SMARCA5: variants seen among roughly 807,000 people sequenced by gnomAD.
SMARCA5 encodes the protein SWI/SNF-related matrix-associated actin-dependent regulator of chromatin subfamily A member 5.
Under a neutral mutation model 140.4 loss-of-function variants are expected in SMARCA5, and 18 were observed. That is an observed-to-expected ratio of 0.13 (90% CI 0.09 to 0.19). The LOEUF (loss-of-function observed/expected upper bound fraction) is 0.19, where lower values mean the gene tolerates loss of function less well. Among genes scored for constraint, SMARCA5 ranks in the 10% least tolerant of loss-of-function variants. The pLI, the probability that SMARCA5 is intolerant of heterozygous loss-of-function variation, is 1.00. For synonymous variants in SMARCA5, 449 were observed against 419.6 expected (o/e 1.07, Z -0.86); for missense variants, 606 against 1,276.8 (o/e 0.47, Z 8.01).
intron 23 of SMARCA5, among the ~76,000 whole-genome samples, chr4:143,550,991 T>C (rs1040857656): frequency 6.6e-6 from 1 of 152,110 alleles, no homozygotes. Context: ...TTCAAACTGC[T>C]TCCACAGTGA....
intron 9 of SMARCA5, among the ~76,000 whole-genome samples, chr4:143,531,322 G>A (rs912648972): frequency 2.6e-5 from 4 of 152,152 alleles, no homozygotes; most frequent in Admixed American, 6.5e-5. Context: ...ACAGCTTCCT[G>A]TGACGGTTCA....
At chr4:143,531,113 C>G (rs1376425352) in intron 9 of SMARCA5, among the ~76,000 whole-genome samples, 5 of 152,220 alleles carry the variant, frequency 3.3e-5, no homozygotes, top group Admixed American at 1.3e-4. Context: ...AGCCACCACG[C>G]CCGGCCTTAA....
At position 143,527,914 on chromosome 4, in the gene SMARCA5, G is replaced by T. The variant is rs1737107618; in HGVS notation, c.848G>T (p.Cys283Phe). ...DVLLPGEWDV[C>F]VTSYEMLIKE... Reference sequence around the variant, plus strand: ...TTATTACCGGGAGAATGGGATGTATGTGTAACATCTTATGAAATGCTTATT... The same window carrying T: ...TTATTACCGGGAGAATGGGATGTATTTGTAACATCTTATGAAATGCTTATT... Residue 283 changes from cysteine (C) to phenylalanine (F), a missense_variant, in exon 7 of 24, where the codon TGT becomes TTT. Coordinates refer to ENST00000283131, the MANE Select transcript of SMARCA5 (RefSeq NM_003601.4). The T allele has an allele frequency of 6.2e-7, 1 of 1,601,230 alleles. No homozygotes were observed. Among genetic ancestry groups the T allele is most frequent in the Non-Finnish European group, 8.5e-7 (1 of 1,176,678 alleles).
chr4:143,528,832 C>G (rs1397045737), intron 8 of SMARCA5, 118 bp downstream of exon 8: 1 of 808,596 alleles, frequency 1.2e-6, no homozygotes, highest in Middle Eastern at 3.8e-4. Flanking sequence ...ATTTTTTATG[C>G]TTTTATTTAC....
chr4:143,538,601 C>T lies in SMARCA5; in HGVS notation c.1507C>T (p.Leu503=). 2.5e-6 allele frequency: 4 copies of T among 1,612,490 alleles called. No homozygotes were observed. Among genetic ancestry groups the T allele is most frequent in the Non-Finnish European group, 3.4e-6 (4 of 1,178,680 alleles). The change falls in exon 12 of 24, where the codon CTA becomes TTA. Residue 503 remains leucine, a synonymous_variant. Coordinates refer to ENST00000283131, the MANE Select transcript of SMARCA5 (RefSeq NM_003601.4). The stretch of plus-strand genomic sequence containing the variant: ...ATATTCCCCAACAGGTTCACGAGTA[C>T]TAATCTTCAGTCAAATGACAAGGGT... ...PKLKEQGSRV[L]IFSQMTRVLD...
At chr4:143,520,762 A>G (rs1314966102) in intron 2 of SMARCA5, among the ~76,000 whole-genome samples, 1 of 151,810 alleles carries the variant, frequency 6.6e-6, no homozygotes, top group Non-Finnish European at 1.5e-5. Flanking sequence ...CAATTTCATT[A>G]TTTTTATGAA....
chr4:143,545,671 G>C lies in SMARCA5; in HGVS notation c.2397+88G>C, dbSNP rs142721138. The stretch of plus-strand genomic sequence containing the variant: ...TAGTTATAAATATTTATCTAATTTG[G>C]ACCTAGTGTGAAACAATACTGCTTT... On this transcript the variant is annotated intron_variant, in intron 18 of 23. Coordinates refer to ENST00000283131, the MANE Select transcript of SMARCA5 (RefSeq NM_003601.4). 1.2e-3 allele frequency: 999 copies of C among 867,314 alleles called. 4 individuals are homozygous for C. In the African/African-American group the frequency reaches 0.015, roughly 13 times the overall value. 53.7% of individuals were successfully genotyped at this position (867,314 alleles called of 1,614,324 possible).
intron 4 of SMARCA5, 61 bp downstream of exon 4, chr4:143,524,528 GT>G: frequency 9.2e-7 from 1 of 1,083,714 alleles, no homozygotes; most frequent in Non-Finnish European, 1.4e-6. Flanking sequence ...TTTGGTTAAT[GT>G]TTTGGATTTG....
Position 143,543,992 on chromosome 4 carries a change from G to A in SMARCA5, c.2172+20G>A, listed in dbSNP as rs1396079806. The stretch of plus-strand genomic sequence containing the variant: ...CAAAAGGTAATTTAGAAATAGGTTT[G>A]GGTTACATGAAAGCTTTATTTTACT... On this transcript the variant is annotated intron_variant, in intron 16 of 23. Transcript: ENST00000283131. 2.7e-6 allele frequency: 4 copies of A among 1,504,990 alleles called. No individual in the cohort carries two copies. In the African/African-American group the frequency reaches 5.7e-5, roughly 21 times the overall value. The allele number at this position is 1,504,990 out of a possible 1,614,324, so 93.2% of individuals were successfully genotyped here.
chr4:143,548,150 C>T lies in SMARCA5; in HGVS notation c.2985+10C>T, dbSNP rs1157922890. ...GTCCAGAACTGCAATGGTGAGTGCT[C>T]AGGGCTTTTTTGTGTAATGTAGCAG... On this transcript the variant is annotated intron_variant, in intron 22 of 23. Coordinates refer to ENST00000283131, the MANE Select transcript of SMARCA5 (RefSeq NM_003601.4). 3 of 1,555,352 alleles carry T rather than the reference C, an allele frequency of 1.9e-6. No individual in the cohort carries two copies. The highest frequency in any genetic ancestry group is 1.4e-5 in the African/African-American group (1 of 73,382).
intron 10 of SMARCA5, among the ~76,000 whole-genome samples, chr4:143,535,658 A>G (rs1737287171): frequency 6.6e-6 from 1 of 152,164 alleles, no homozygotes; most frequent in Non-Finnish European, 1.5e-5. Flanking sequence ...AATGCTAAGG[A>G]AAGACAAATC....
intron 23 of SMARCA5, 49 bp from the exon 24 acceptor site, chr4:143,553,070 T>C: frequency 7.3e-7 from 1 of 1,377,702 alleles, no homozygotes; most frequent in Non-Finnish European, 1.0e-6. Context: ...CAACTATATT[T>C]CATGTTTATA....
In SMARCA5 at chr4:143,536,439, C is replaced by T; in HGVS notation, c.1269-13C>T. ...ACATTTGAGCTCTAAAAATGTTTTTCTTCTTTGAATAGGTATACTCGGATA... is the reference window on the plus strand; with the variant it reads ...ACATTTGAGCTCTAAAAATGTTTTTTTTCTTTGAATAGGTATACTCGGATA... On this transcript the variant is annotated splice_polypyrimidine_tract_variant and intron_variant, in intron 10 of 23. Coordinates refer to ENST00000283131, the MANE Select transcript of SMARCA5 (RefSeq NM_003601.4). The T allele has an allele frequency of 6.3e-7, 1 of 1,582,622 alleles. No individual in the cohort carries two copies. Among genetic ancestry groups the T allele is most frequent in the Non-Finnish European group, 8.7e-7 (1 of 1,151,942 alleles).
intron 22 of SMARCA5, among the ~76,000 whole-genome samples, chr4:143,548,647 C>T (rs2149825256): frequency 6.6e-6 from 1 of 152,154 alleles, no homozygotes; most frequent in African/African-American, 2.4e-5. Flanking sequence ...TTTCTAATAA[C>T]CTAAAATTTG....
Position 143,517,368 on chromosome 4 carries a change from A to C in SMARCA5, c.191A>C (p.Asp64Ala), listed in dbSNP as rs751361829. The C allele has an allele frequency of 6.2e-7, 1 of 1,608,306 alleles. No individual in the cohort carries two copies. The highest frequency in any genetic ancestry group is 2.2e-5 in the East Asian group (1 of 44,732). Reference protein sequence around the residue: ...ADAEMEEIFDDASPGKQKEIQ... With the variant: ...ADAEMEEIFDAASPGKQKEIQ... ...TCTTTCTACCAGGAAATATTTGATG[A>C]TGCGTCACCTGGAAAGCAAAAGGAA... Residue 64 changes from aspartate (D) to alanine (A), a missense_variant, in exon 2 of 24, where the codon GAT (aspartate) becomes GCT (alanine). This residue lies in a region of SMARCA5 where 164 missense variants were observed against 128.4 expected (regional missense o/e 1.28). Coordinates refer to ENST00000283131, the MANE Select transcript of SMARCA5 (RefSeq NM_003601.4).
intron 10 of SMARCA5, among the ~76,000 whole-genome samples, chr4:143,535,255 G>A (rs779795707): frequency 1.3e-5 from 2 of 152,116 alleles, no homozygotes; most frequent in Non-Finnish European, 2.9e-5. Flanking sequence ...TTTTTAAAAA[G>A]GAAACTGTGA....
chr4:143,518,168 G>T (rs898558253), intron 2 of SMARCA5, among the ~76,000 whole-genome samples: 6 of 152,062 alleles, frequency 3.9e-5, no homozygotes, highest in African/African-American at 1.4e-4. Flanking sequence ...TTTACAAAAA[G>T]AACATGACAT....
chr4:143,551,077 G>T (rs773751977), intron 23 of SMARCA5, among the ~76,000 whole-genome samples: 3 of 151,900 alleles, frequency 2.0e-5, no homozygotes, highest in Non-Finnish European at 4.4e-5. Flanking sequence ...ATTTGTTATT[G>T]CCTGACTTTT....
chr4:143,526,075 C>T (rs536190526), intron 5 of SMARCA5, among the ~76,000 whole-genome samples: 11 of 152,074 alleles, frequency 7.2e-5, no homozygotes, highest in African/African-American at 9.7e-5. Flanking sequence ...GGGCCTTATG[C>T]GGGTGATAAT....
Sources: allele counts gnomAD v4.1 joint callset (sites outside exome capture counted in the v4.1 genomes callset), GRCh38; gene constraint gnomAD v4.1.1; regional missense constraint gnomAD v4.1.1; transcripts MANE v1.5; gene names NCBI Gene and HGNC (gene_info 2026-07-23, HGNC 2026-07-21).